Variants in BAHCC1 observed in about 807,000 individuals in gnomAD.
The protein encoded by BAHCC1 is BAH domain and coiled-coil containing 1.
BAHCC1 carries 43 observed loss-of-function variants against 88.2 expected under a neutral mutation model. That is an observed-to-expected ratio of 0.49 (90% CI 0.38 to 0.63). The LOEUF is 0.63. Ranked by LOEUF, BAHCC1 falls within the 20% of genes least tolerant of loss-of-function variation. The probability of loss-of-function intolerance (pLI) is 0.00; values close to 1 mark genes in which losing one functional copy is unlikely to be tolerated. For missense variants in BAHCC1, 3,023 were observed against 1,654.8 expected, an observed-to-expected ratio of 1.83 and a Z score of -14.34; for synonymous variants, 1,510 against 745.5, an observed-to-expected ratio of 2.03 and a Z score of -16.71.
chr17:81,408,636 C>T (rs890574375), intron 2 of BAHCC1, among the ~76,000 whole-genome samples: 2 of 152,202 alleles, frequency 1.3e-5, no homozygotes, highest in Admixed American at 6.5e-5. Flanking sequence ...ATGCCCACCT[C>T]TCCTTTCCTC....
chr17:81,456,469 G>A lies in BAHCC1; in HGVS notation c.4742G>A (p.Arg1581Gln), dbSNP rs782191134. The change falls in exon 16 of 28, where the codon CGA becomes CAA. Residue 1581 changes from arginine (R) to glutamine (Q), a missense_variant. Physicochemically the swap from Arg to Gln is conservative, Grantham distance 43. Coordinates refer to ENST00000675386, the MANE Select transcript of BAHCC1 (RefSeq NM_001377448.1). Reference sequence around the variant, plus strand: ...GGGCGCATCCGGGAGAAGCTGTCCCGAGCCAAGAGTGCCAAGGTGTCTGGG... The same window carrying A: ...GGGCGCATCCGGGAGAAGCTGTCCCAAGCCAAGAGTGCCAAGGTGTCTGGG... ...PGGRIREKLS[R>Q]AKSAKVSGAT... 6.9e-6 allele frequency: 5 copies of A among 721,538 alleles called. No homozygotes were observed. In the Admixed American group the frequency reaches 7.9e-5, roughly 11 times the overall value. The allele number at this position is 721,538 out of a possible 1,614,324, so 44.7% of individuals were successfully genotyped here.
In BAHCC1 at chr17:81,435,668, C is replaced by T. The variant is rs1345289688; in HGVS notation, c.359-2702C>T. Reference sequence around the variant, plus strand: ...CTGGCTGAGCCCTCTTGGTCTCTGGCCCCGGAATGTCCCCTCCCTGCCATC... The same window carrying T: ...CTGGCTGAGCCCTCTTGGTCTCTGGTCCCGGAATGTCCCCTCCCTGCCATC... On this transcript the variant is annotated intron_variant, in intron 3 of 27. Transcript: ENST00000675386. The surrounding 1 kb of genome is among the most constrained non-coding windows in gnomAD (Gnocchi z 4.4). Among the ~76,000 whole-genome samples the T allele has an allele frequency of 6.6e-5, 10 of 152,220 alleles. No individual in the cohort carries two copies. The highest frequency in any genetic ancestry group is 2.4e-4 in the African/African-American group (10 of 41,518).
At chr17:81,425,841 GTGA>G (rs782440155) in intron 2 of BAHCC1, among the ~76,000 whole-genome samples, 14 of 148,652 alleles carry the variant, frequency 9.4e-5, no homozygotes, top group South Asian at 2.2e-4. Flanking sequence ...TGGTGATTTG[GTGA>G]TGATGTGGTT....
At chr17:81,401,646 C>CT (rs1444152780) in intron 2 of BAHCC1, 2 of 152,306 alleles carry the variant, frequency 1.3e-5, no homozygotes, top group African/African-American at 4.8e-5. Flanking sequence ...GTGGCCCCCA[C>CT]TGGGGGTAGG....
chr17:81,416,299 C>T (rs1198892066), intron 2 of BAHCC1, among the ~76,000 whole-genome samples: 1 of 108,434 alleles, frequency 9.2e-6, no homozygotes, highest in Non-Finnish European at 1.8e-5. Context: ...TGTGTGTGTC[C>T]ATGAGGGTGG....
chr17:81,461,880 C>CCAG lies in BAHCC1; in HGVS notation c.7229_7231dup (p.Ser2410dup), dbSNP rs533325256. The CCAG allele has an allele frequency of 7.2e-4, 527 of 728,138 alleles. No individual in the cohort carries two copies. Among genetic ancestry groups the CCAG allele is most frequent in the Non-Finnish European group, 1.0e-3 (396 of 391,808 alleles). 45.1% of individuals were successfully genotyped at this position (728,138 alleles called of 1,614,324 possible). On this transcript the variant is annotated inframe_insertion, in exon 26 of 28. Transcript: ENST00000675386. ...GCTGGCACCGGTGCGGGCTCAGGCC[C>CCAG]CAGCAGCAGCAGCAAATCCAAGCTC... is the stretch of plus-strand genomic sequence containing the variant.
intron 11 of BAHCC1, among the ~76,000 whole-genome samples, chr17:81,448,362 G>A (rs1555655114): frequency 6.6e-6 from 1 of 152,068 alleles, no homozygotes; most frequent in African/African-American, 2.4e-5. Flanking sequence ...GGGCTCTTCC[G>A]CCCACCCAGG....
Position 81,447,343 on chromosome 17 carries a change from G to A in BAHCC1, c.3471G>A (p.Leu1157=). 1 of 746,642 alleles carries A rather than the reference G, an allele frequency of 1.3e-6. No homozygotes were observed. Among genetic ancestry groups the A allele is most frequent in the Non-Finnish European group, 2.5e-6 (1 of 402,720 alleles). 46.3% of individuals were successfully genotyped at this position (746,642 alleles called of 1,614,324 possible). ...GCCCACTAGAGGGGCTACAAGAACT[G>A]CAATGTGCGGCCCTCCTGGAGGCAG... ...DPSPLEGLQE[L]QCAALLEAGG... The change falls in exon 11 of 28, where the codon CTG becomes CTA. Residue 1157 remains leucine (L), a synonymous_variant. Coordinates refer to ENST00000675386, the MANE Select transcript of BAHCC1 (RefSeq NM_001377448.1).
chr17:81,421,778 G>A (rs1428059054), intron 2 of BAHCC1, among the ~76,000 whole-genome samples: 1 of 152,216 alleles, frequency 6.6e-6, no homozygotes, highest in Non-Finnish European at 1.5e-5. Context: ...GGCAGCAGCT[G>A]CCGCCAGAGC....
rs550627064 is a variant in BAHCC1 at position 81,448,569 on chromosome 17, C to T, written c.3976+721C>T. Among the ~76,000 whole-genome samples the T allele has an allele frequency of 9.8e-5, 15 of 152,342 alleles. No individual in the cohort carries two copies. The South Asian group carries it at 2.1e-3, about 21-fold the overall frequency. On this transcript the variant is annotated intron_variant, in intron 11 of 27. Coordinates refer to ENST00000675386, the MANE Select transcript of BAHCC1 (RefSeq NM_001377448.1). ...CCCGGGGTGGAGGGCGTCCCCCAGC[C>T]GGGCACGGCGCCGTGGTTGTTGATA...
rs538285189 is a variant in BAHCC1, at chr17:81,463,529, G to A, written c.7621-82G>A. 93 of 752,074 alleles carry A rather than the reference G, an allele frequency of 1.2e-4. No individual in the cohort carries two copies. In the African/African-American group the frequency reaches 1.3e-3, roughly 11 times the overall value. The allele number at this position is 752,074 out of a possible 1,614,324, so 46.6% of individuals were successfully genotyped here. On this transcript the variant is annotated intron_variant, in intron 27 of 27. Transcript: ENST00000675386. Reference sequence around the variant, plus strand: ...CATCCGGTGACCCTTACAGAGCATGGGTGGGCGGGTGGTCTTTCCTGGCTG... The same window carrying A: ...CATCCGGTGACCCTTACAGAGCATGAGTGGGCGGGTGGTCTTTCCTGGCTG...
intron 2 of BAHCC1, among the ~76,000 whole-genome samples, chr17:81,405,973 A>G (rs1482033317): frequency 6.6e-6 from 1 of 152,238 alleles, no homozygotes; most frequent in Non-Finnish European, 1.5e-5. Context: ...GAAGCGATAC[A>G]GGGACTCCTC....
chr17:81,404,583 C>T (rs2063857087), intron 2 of BAHCC1, among the ~76,000 whole-genome samples: 1 of 152,112 alleles, frequency 6.6e-6, no homozygotes, highest in Admixed American at 6.5e-5. Context: ...GGGGTTCCAT[C>T]CAGGAAGGCA....
chr17:81,436,434 G>T (rs989027445), intron 3 of BAHCC1, among the ~76,000 whole-genome samples: 8 of 152,258 alleles, frequency 5.3e-5, no homozygotes, highest in Non-Finnish European at 1.0e-4. Context: ...GGGGCTCCGT[G>T]CCTGGGAAAC....
intron 10 of BAHCC1, chr17:81,446,827 A>G (rs782803610): frequency 1.5e-6 from 1 of 683,038 alleles, no homozygotes. Flanking sequence ...TTTTGGGATT[A>G]CAGGTGTGAG....
rs1555645407 is a variant in BAHCC1, at chr17:81,399,138, T to C, written c.-206-396T>C. On this transcript the variant is annotated intron_variant, in intron 1 of 27. Transcript: ENST00000675386. This position sits in a 1 kb window ranked among gnomAD's most constrained non-coding sequence, Gnocchi z 4.5. ...GAGGGTGTGCGTGTGAGTGTGTGTGTGTGTGTGTGTGTGTGCGAGTGTGCG... is the reference window on the plus strand; with the variant it reads ...GAGGGTGTGCGTGTGAGTGTGTGTGCGTGTGTGTGTGTGTGCGAGTGTGCG... 1 of 353,014 alleles carries C rather than the reference T, an allele frequency of 2.8e-6. No individual in the cohort carries two copies. The highest frequency in any genetic ancestry group is 3.0e-5 in the Admixed American group (1 of 33,178). The allele number at this position is 353,014 out of a possible 1,614,324, so 21.9% of individuals were successfully genotyped here. A position where few individuals can be genotyped will look rare whatever the true frequency, so the allele number is the denominator to read the frequency against.
intron 3 of BAHCC1, among the ~76,000 whole-genome samples, 165 bp from the exon 4 acceptor site, chr17:81,438,205 A>G (rs2064362268): frequency 6.6e-6 from 1 of 152,208 alleles, no homozygotes; most frequent in Admixed American, 6.5e-5. Context: ...AGTCAGAGTT[A>G]ATATGATGTA....
At position 81,451,803 on chromosome 17, in the gene BAHCC1, GC is replaced by G; in HGVS notation, c.4116del (p.Arg1373GlyfsTer25). On this transcript the variant is annotated frameshift_variant, in exon 12 of 28. Transcript: ENST00000675386. LOFTEE classifies it high-confidence loss of function. Reference protein sequence around the residue: ...AQPPTANPCSGPRLTPRMQIL... With the variant: ...AQPPTANPCSXPRLTPRMQIL... ...CCGCCCACAGCCAACCCCTGCAGCGGCCCCAGGCTCACCCCCCGCATGCAGA... is the reference window on the plus strand; with the variant it reads ...CCGCCCACAGCCAACCCCTGCAGCGGCCCAGGCTCACCCCCCGCATGCAGA... The G allele has an allele frequency of 1.3e-6, 1 of 760,502 alleles. No homozygotes were observed. The allele number at this position is 760,502 out of a possible 1,614,324, so 47.1% of individuals were successfully genotyped here.
At chr17:81,453,482 G>A (rs1421572036) in intron 14 of BAHCC1, among the ~76,000 whole-genome samples, 3 of 152,224 alleles carry the variant, frequency 2.0e-5, no homozygotes, top group Non-Finnish European at 4.4e-5. Context: ...AATTAAGACA[G>A]GCAAAAAATT....
Sources: gnomAD v4.1 joint callset for allele counts (sites outside exome capture counted in the v4.1 genomes callset) on GRCh38, gnomAD v4.1.1 for gene constraint, Gnocchi (gnomAD v3.1) non-coding constraint, MANE v1.5 for transcripts, NCBI Gene and HGNC (gene_info 2026-07-23, HGNC 2026-07-21) for gene names.